Variants in ASS1 observed in about 807,000 individuals in gnomAD.
The protein encoded by ASS1 is argininosuccinate synthase.
Under a neutral mutation model 60.5 loss-of-function variants are expected in ASS1, and 58 were observed. The observed-to-expected ratio is 0.96, with a 90% CI of 0.78 to 1.19. The LOEUF (loss-of-function observed/expected upper bound fraction) is 1.19. ASS1 is among the 50% of genes most tolerant of loss of function. The pLI is 0.00. For synonymous variants in ASS1, 200 were observed against 206.9 expected, an observed-to-expected ratio of 0.97 and a Z score of 0.29; for missense variants, 454 against 547.3, an observed-to-expected ratio of 0.83 and a Z score of 1.70.
intron 8 of ASS1, among the ~76,000 whole-genome samples, chr9:130,474,702 G>T (rs1343402561): frequency 6.6e-6 from 1 of 152,274 alleles, no homozygotes; most frequent in Non-Finnish European, 1.5e-5. Flanking sequence ...CCTACCTGTG[G>T]CTGTGATGCT....
intron 11 of ASS1, among the ~76,000 whole-genome samples, chr9:130,484,797 A>ACG (rs886571363): frequency 4.0e-5 from 4 of 100,868 alleles, no homozygotes; most frequent in Non-Finnish European, 8.2e-5. Context: ...AGAGCTTTAA[A>ACG]CGCACACACA....
chr9:130,471,655 T>C (rs980937023), intron 8 of ASS1, 140 bp downstream of exon 8: 41 of 1,024,058 alleles, frequency 4.0e-5, no homozygotes, highest in Non-Finnish European at 5.5e-5. Context: ...GCCCTGCCTG[T>C]GTTCCCCGAC....
At chr9:130,458,212 G>A (rs888450168) in intron 3 of ASS1, among the ~76,000 whole-genome samples, 189 bp from the exon 4 acceptor site, 1 of 152,092 alleles carries the variant, frequency 6.6e-6, no homozygotes, top group Admixed American at 6.5e-5. Context: ...CATGAGTGCA[G>A]GAGGGAGAGT....
At chr9:130,472,126 A>G (rs1210957581) in intron 8 of ASS1, among the ~76,000 whole-genome samples, 2 of 152,206 alleles carry the variant, frequency 1.3e-5, no homozygotes, top group East Asian at 3.9e-4. Flanking sequence ...GGCCAAATCT[A>G]TCATGGGAAG....
At position 130,489,725 on chromosome 9, in the gene ASS1, G is replaced by T. The variant is rs780505302; in HGVS notation, c.970+261G>T. On this transcript the variant is annotated intron_variant, in intron 12 of 14. Transcript: ENST00000352480. The surrounding 1 kb of genome is among the most constrained non-coding windows in gnomAD (Gnocchi z 4.1). Reference sequence around the variant, plus strand: ...GATGCACCGGCTTCCCAAGGTGTCCGGCAGCTTCCACCCCCTACAGTTTGC... The same window carrying T: ...GATGCACCGGCTTCCCAAGGTGTCCTGCAGCTTCCACCCCCTACAGTTTGC... 6.6e-6 allele frequency among the ~76,000 whole-genome samples: 1 copy of T among 152,302 alleles called. No individual in the cohort carries two copies. Among genetic ancestry groups the T allele is most frequent in the Non-Finnish European group, 1.5e-5 (1 of 68,002 alleles).
chr9:130,494,622 T>C lies in ASS1; in HGVS notation c.971-245T>C, dbSNP rs764569189. Among the ~76,000 whole-genome samples the C allele has an allele frequency of 1.2e-4, 19 of 152,240 alleles. No individual in the cohort carries two copies. Among genetic ancestry groups the C allele is most frequent in the African/African-American group, 4.1e-4 (17 of 41,468 alleles). ...GGGTCACTTCCCTCCTCCTGACCCT[T>C]AGGGAAATGACCTAGGTGGTCACCT... On this transcript the variant is annotated intron_variant, in intron 12 of 14. Coordinates refer to ENST00000352480, the MANE Select transcript of ASS1 (RefSeq NM_054012.4). This position sits in a 1 kb window ranked among gnomAD's most constrained non-coding sequence, Gnocchi z 4.3.
intron 5 of ASS1, among the ~76,000 whole-genome samples, chr9:130,466,286 G>A (rs765975464): frequency 6.6e-6 from 1 of 152,170 alleles, no homozygotes; most frequent in Non-Finnish European, 1.5e-5. Flanking sequence ...AGAAGTGGGT[G>A]GGGGGCAGCC....
rs1846035893 is a variant in ASS1, at chr9:130,476,925, A to G, written c.652A>G (p.Asn218Asp). 1 of 1,613,928 alleles carries G rather than the reference A, an allele frequency of 6.2e-7. No individual in the cohort carries two copies. Among genetic ancestry groups the G allele is most frequent in the Non-Finnish European group, 8.5e-7 (1 of 1,180,006 alleles). ...TKTQDPAKAP[N>D]TPDILEIEFK... ...GACCCAGGACCCAGCCAAAGCCCCCAACACCCCTGACATTCTCGAGATCGA... is the reference window on the plus strand; with the variant it reads ...GACCCAGGACCCAGCCAAAGCCCCCGACACCCCTGACATTCTCGAGATCGA... The change falls in exon 9 of 15, where the codon AAC (asparagine) becomes GAC (aspartate). Residue 218 changes from asparagine to aspartate, a missense_variant. Coordinates refer to ENST00000352480, the MANE Select transcript of ASS1 (RefSeq NM_054012.4). This position sits in a 1 kb window ranked among gnomAD's most constrained non-coding sequence, Gnocchi z 4.9.
intron 3 of ASS1, among the ~76,000 whole-genome samples, chr9:130,455,508 C>T (rs920740286): frequency 5.3e-5 from 8 of 152,366 alleles, no homozygotes; most frequent in African/African-American, 1.9e-4. Context: ...ATCCCCCTAC[C>T]TGTCCTTCCC....
intron 1 of ASS1, among the ~76,000 whole-genome samples, chr9:130,448,341 C>G (rs1292269171): frequency 1.3e-5 from 2 of 152,036 alleles, no homozygotes; most frequent in African/African-American, 4.8e-5. Flanking sequence ...TGTGCAAGCC[C>G]AAACACATCA....
chr9:130,451,131 G>C (rs1180919218), intron 1 of ASS1, among the ~76,000 whole-genome samples: 1 of 152,216 alleles, frequency 6.6e-6, no homozygotes, highest in East Asian at 1.9e-4. Context: ...GTGGGGGAGG[G>C]GGGTGCAGGG....
rs746347893 is a variant in ASS1 at position 130,499,517 on chromosome 9, G to C, written c.1140G>C (p.Gln380His). 8 of 1,613,716 alleles carry C rather than the reference G, an allele frequency of 5.0e-6. No individual in the cohort carries two copies. The East Asian group carries it at 1.8e-4, about 36-fold the overall frequency. ...YNEELVSMNV[Q>H]GDYEPTDATG... ...ACTCTCCTTGCAGCATGAACGTGCAGGGTGATTATGAGCCAACTGATGCCA... is the reference window on the plus strand; with the variant it reads ...ACTCTCCTTGCAGCATGAACGTGCACGGTGATTATGAGCCAACTGATGCCA... The change falls in exon 14 of 15, where the codon CAG (glutamine) becomes CAC (histidine). Residue 380 changes from glutamine (Q) to histidine (H), a missense_variant. Transcript: ENST00000352480.
intron 6 of ASS1, 106 bp downstream of exon 6, chr9:130,466,905 C>T: frequency 7.7e-7 from 1 of 1,298,084 alleles, no homozygotes; most frequent in Non-Finnish European, 1.1e-6. Context: ...CGGGACTGAC[C>T]CCATGTGATG....
rs1457852045 is a variant in ASS1, at chr9:130,499,393, A to T, written c.1128-112A>T. On this transcript the variant is annotated intron_variant, in intron 13 of 14. Transcript: ENST00000352480. ...GTGCAGGGAGGGTTTGGACCCACAC[A>T]GGGGAAATGCCCTGGCATCTGGGAG... 11 of 1,125,046 alleles carry T rather than the reference A, an allele frequency of 9.8e-6. No individual in the cohort carries two copies. In the African/African-American group the frequency reaches 1.5e-4, roughly 16 times the overall value. 69.7% of individuals were successfully genotyped at this position (1,125,046 alleles called of 1,614,324 possible). A position where few individuals can be genotyped will look rare whatever the true frequency, so the allele number is the denominator to read the frequency against.
Position 130,492,645 on chromosome 9 carries a change from TA to T in ASS1, c.971-2221del, listed in dbSNP as rs575789493. 3.9e-5 allele frequency among the ~76,000 whole-genome samples: 6 copies of T among 152,330 alleles called. No individual in the cohort carries two copies. In the South Asian group the frequency reaches 1.2e-3, roughly 32 times the overall value. On this transcript the variant is annotated intron_variant, in intron 12 of 14. Coordinates refer to ENST00000352480, the MANE Select transcript of ASS1 (RefSeq NM_054012.4). ...GCAGGGCCCAGAGGAGCATCTCATC[TA>T]GGGGGTATAGCTCACTTCTTCTCCC...
chr9:130,489,484 T>C lies in ASS1; in HGVS notation c.970+20T>C. ...ATACCGGTGCGTAAGACTCTATGGC[T>C]GCCCCCTCTAACCGCCTCACAAGGG... On this transcript the variant is annotated intron_variant, in intron 12 of 14. Coordinates refer to ENST00000352480, the MANE Select transcript of ASS1 (RefSeq NM_054012.4). The surrounding 1 kb of genome is among the most constrained non-coding windows in gnomAD (Gnocchi z 4.1). The C allele has an allele frequency of 6.2e-7, 1 of 1,614,030 alleles. No homozygotes were observed. The highest frequency in any genetic ancestry group is 8.5e-7 in the Non-Finnish European group (1 of 1,179,974).
rs1429336524 is a variant in ASS1, at chr9:130,488,565, A to G, written c.839-768A>G. Among the ~76,000 whole-genome samples the G allele has an allele frequency of 6.6e-6, 1 of 152,204 alleles. No homozygotes were observed. Among genetic ancestry groups the G allele is most frequent in the Non-Finnish European group, 1.5e-5 (1 of 68,030 alleles). ...GGCATTTCTGTCTCACTCGGAGATC[A>G]TCTGTTCCAAGCAGGTTGTTTTCCA... On this transcript the variant is annotated intron_variant, in intron 11 of 14. Coordinates refer to ENST00000352480, the MANE Select transcript of ASS1 (RefSeq NM_054012.4). This position sits in a 1 kb window ranked among gnomAD's most constrained non-coding sequence, Gnocchi z 5.2.
chr9:130,475,191 G>T (rs1845983765), intron 8 of ASS1, among the ~76,000 whole-genome samples: 1 of 152,192 alleles, frequency 6.6e-6, no homozygotes, highest in Admixed American at 6.5e-5. Context: ...AGCTTCCAAG[G>T]CACTTATGTA....
intron 4 of ASS1, among the ~76,000 whole-genome samples, chr9:130,462,146 C>T (rs1437753678): frequency 6.6e-6 from 1 of 152,112 alleles, no homozygotes; most frequent in African/African-American, 2.4e-5. Flanking sequence ...TGCGGGGCTC[C>T]TCTCTCCCCC....
Sources: gnomAD v4.1 joint callset for allele counts (sites outside exome capture counted in the v4.1 genomes callset) on GRCh38, gnomAD v4.1.1 for gene constraint, Gnocchi (gnomAD v3.1) non-coding constraint, MANE v1.5 for transcripts, NCBI Gene and HGNC (gene_info 2026-07-23, HGNC 2026-07-21) for gene names.